STPG2: variants seen among roughly 807,000 people sequenced by gnomAD.
The protein encoded by STPG2 is sperm tail PG-rich repeat containing 2, also known as sperm-tail PG-rich repeat-containing protein 2.
In STPG2, 56 loss-of-function variants were observed where a neutral mutation model predicts 54.2. The ratio of observed to expected loss-of-function variants is 1.03; its 90% CI spans 0.83 to 1.29. The LOEUF is 1.29. Among genes scored for constraint, STPG2 ranks in the 50% most tolerant of loss-of-function variants. The pLI is 0.00. For missense variants in STPG2, 596 were observed against 544.9 expected (o/e 1.09, Z -0.93); for synonymous variants, 200 against 181.8 (o/e 1.10, Z -0.81).
chr4:97,564,166 T>C lies in STPG2; in HGVS notation c.1321-5049A>G, dbSNP rs536528996. The stretch of plus-strand genomic sequence containing the variant: ...GGATAGTTAGCTCTTCTTGTTGAAT[T>C]GATCCCTTTACCATTATGTAATGGC... On this transcript the variant is annotated intron_variant, in intron 10 of 10. Transcript: ENST00000295268. Among the ~76,000 whole-genome samples the C allele has an allele frequency of 2.0e-5, 3 of 152,338 alleles. No homozygotes were observed. In the East Asian group the frequency reaches 5.8e-4, roughly 29 times the overall value.
intron 8 of STPG2, among the ~76,000 whole-genome samples, chr4:97,943,195 C>T (rs530425903): frequency 9.1e-4 from 138 of 152,250 alleles, no homozygotes; most frequent in Non-Finnish European, 1.4e-3. Context: ...TCTCCACCCT[C>T]ATGACATAAT....
chr4:97,773,994 G>GGTGTGTGTGT (rs34968031), intron 9 of STPG2, among the ~76,000 whole-genome samples: 2,186 of 147,316 alleles, frequency 0.015, 19 homozygotes, highest in African/African-American at 0.022. Context: ...TAAAATATAG[G>GGTGTGTGTGT]GTGTGTGTGT....
At chr4:97,918,389 T>C (rs963405410) in intron 8 of STPG2, among the ~76,000 whole-genome samples, 1 of 152,156 alleles carries the variant, frequency 6.6e-6, no homozygotes, top group Non-Finnish European at 1.5e-5. Flanking sequence ...GAATTTTTTA[T>C]GCATTAAGGA....
chr4:97,620,463 G>A (rs746528339), intron 10 of STPG2, among the ~76,000 whole-genome samples: 4 of 152,118 alleles, frequency 2.6e-5, no homozygotes, highest in Admixed American at 6.5e-5. Context: ...TTTGAGACTT[G>A]AAGAATGTTT....
At chr4:98,116,819 A>T (rs957427252) in intron 3 of STPG2, among the ~76,000 whole-genome samples, 9 of 151,896 alleles carry the variant, frequency 5.9e-5, no homozygotes, top group African/African-American at 2.2e-4. Flanking sequence ...CATGTAACTT[A>T]TATTATCCTT....
chr4:98,120,376 G>A (rs979534217), intron 3 of STPG2, among the ~76,000 whole-genome samples: 3 of 151,976 alleles, frequency 2.0e-5, no homozygotes, highest in African/African-American at 4.8e-5. Flanking sequence ...ACCACGCCCA[G>A]CCACAAGTAT....
chr4:97,512,554 TGAG>T (rs1730994206), intron 4 of STPG2, among the ~76,000 whole-genome samples: 2 of 148,030 alleles, frequency 1.4e-5, no homozygotes, highest in Admixed American at 1.4e-4. Context: ...GAAAAGAAAC[TGAG>T]AAGAAGGGAG....
At chr4:97,759,320 C>T (rs1725821966) in intron 9 of STPG2, among the ~76,000 whole-genome samples, 1 of 152,132 alleles carries the variant, frequency 6.6e-6, no homozygotes, top group Non-Finnish European at 1.5e-5. Context: ...AAAAAAATAA[C>T]ATTGTCACTT....
chr4:97,498,331 A>T (rs1730653579), intron 4 of STPG2, among the ~76,000 whole-genome samples: 1 of 151,968 alleles, frequency 6.6e-6, no homozygotes, highest in Non-Finnish European at 1.5e-5. Context: ...ATGTTAAAAG[A>T]ATTTTAATAC....
At chr4:97,782,350 A>C (rs879689082) in intron 9 of STPG2, among the ~76,000 whole-genome samples, 2 of 152,158 alleles carry the variant, frequency 1.3e-5, no homozygotes, top group African/African-American at 2.4e-5. Flanking sequence ...AGAATAAAAC[A>C]CCTAGGAATC....
intron 4 of STPG2, among the ~76,000 whole-genome samples, chr4:97,468,674 T>C (rs1016387086): frequency 1.3e-5 from 2 of 152,006 alleles, no homozygotes; most frequent in Non-Finnish European, 2.9e-5. Flanking sequence ...CCCTAGACTA[T>C]TAAATTTTTT....
chr4:97,699,194 G>T (rs1723685501), intron 10 of STPG2, among the ~76,000 whole-genome samples: 1 of 152,192 alleles, frequency 6.6e-6, no homozygotes, highest in Non-Finnish European at 1.5e-5. Context: ...CTGCAGCCAG[G>T]TCTGCCTTGG....
chr4:97,982,930 CA>C (rs1273854752), intron 5 of STPG2, among the ~76,000 whole-genome samples: 3 of 152,140 alleles, frequency 2.0e-5, no homozygotes, highest in Non-Finnish European at 4.4e-5. Flanking sequence ...TGATCAAATT[CA>C]ACACTGCCTC....
In STPG2 at chr4:97,972,429, A is replaced by G; in HGVS notation, c.784T>C (p.Tyr262His). The change falls in exon 7 of 11, where the codon TAT becomes CAT. Residue 262 changes from tyrosine (Y) to histidine (H), a missense_variant. Tyr to His is a moderately conservative substitution (Grantham distance 83, BLOSUM62 2). Transcript: ENST00000295268. The part of the protein sequence containing the change: ...RTEEMPGPGF[Y>H]NVLNNTIIAS... Reference sequence around the variant, plus strand: ...ATTATAGTATTGTTCAAGACATTATAAAATCCAGGACCTAAAATTATTAGA... The same window carrying G: ...ATTATAGTATTGTTCAAGACATTATGAAATCCAGGACCTAAAATTATTAGA... 2 of 1,543,310 alleles carry G rather than the reference A, an allele frequency of 1.3e-6. No individual in the cohort carries two copies. The highest frequency in any genetic ancestry group is 1.8e-6 in the Non-Finnish European group (2 of 1,141,090).
At chr4:97,582,259 C>T (rs1732881142) in intron 10 of STPG2, among the ~76,000 whole-genome samples, 1 of 151,954 alleles carries the variant, frequency 6.6e-6, no homozygotes, top group Admixed American at 6.6e-5. Flanking sequence ...TACACCTAAT[C>T]AGTGTATTTG....
intron 3 of STPG2, among the ~76,000 whole-genome samples, chr4:98,110,704 G>T (rs1739322123): frequency 6.6e-6 from 1 of 151,936 alleles, no homozygotes; most frequent in Admixed American, 6.6e-5. Context: ...TCTAAAACTT[G>T]CCTTGGTCTC....
At chr4:98,125,243 G>A (rs1370938922) in intron 3 of STPG2, among the ~76,000 whole-genome samples, 1 of 152,186 alleles carries the variant, frequency 6.6e-6, no homozygotes, top group Non-Finnish European at 1.5e-5. Context: ...TCATTTGGAG[G>A]AGAAAAGGCA....
chr4:97,628,207 G>A (rs1332117139), intron 10 of STPG2, among the ~76,000 whole-genome samples: 2 of 152,146 alleles, frequency 1.3e-5, no homozygotes, highest in Non-Finnish European at 2.9e-5. Flanking sequence ...AGAACTGTGT[G>A]TAAGGAGGTA....
chr4:97,564,184 G>A (rs963567683), intron 10 of STPG2, among the ~76,000 whole-genome samples: 2 of 152,136 alleles, frequency 1.3e-5, no homozygotes, highest in Non-Finnish European at 2.9e-5. Flanking sequence ...TTACCATTAT[G>A]TAATGGCCTT....
Sources: gnomAD v4.1 joint callset for allele counts (sites outside exome capture counted in the v4.1 genomes callset) on GRCh38, gnomAD v4.1.1 for gene constraint, MANE v1.5 for transcripts, NCBI Gene and HGNC (gene_info 2026-07-23, HGNC 2026-07-21) for gene names.